MOXD1: variants seen among roughly 807,000 people sequenced by gnomAD.
MOXD1 encodes the protein DBH-like monooxygenase protein 1.
MOXD1 carries 62 observed loss-of-function variants against 66.6 expected under a neutral mutation model. The ratio of observed to expected loss-of-function variants is 0.93; its 90% CI spans 0.76 to 1.15. MOXD1 has a LOEUF of 1.15. Ranked by LOEUF, MOXD1 falls within the 50% of genes most tolerant of loss-of-function variation. The pLI is 0.00. For synonymous variants in MOXD1, 303 were observed against 281.9 expected (o/e 1.07, Z -0.75); for missense variants, 847 against 754.6 (o/e 1.12, Z -1.44).
chr6:132,395,589 A>G (rs756820032), intron 1 of MOXD1, among the ~76,000 whole-genome samples: 8 of 152,190 alleles, frequency 5.3e-5, no homozygotes, highest in Non-Finnish European at 1.2e-4. Context: ...AGACTGGCTG[A>G]ATGGGTTAAA....
chr6:132,384,235 TCC>T (rs1473220917), intron 1 of MOXD1, among the ~76,000 whole-genome samples: 6 of 99,282 alleles, frequency 6.0e-5, no homozygotes, highest in East Asian at 2.9e-4. Context: ...CCTTCCTCCC[TCC>T]CTCTCTTCCT....
intron 2 of MOXD1, 36 bp downstream of exon 2, chr6:132,374,595 T>C (rs1461892650): frequency 2.5e-6 from 4 of 1,597,260 alleles, no homozygotes; most frequent in Admixed American, 1.7e-5. Context: ...AAATATACAA[T>C]TTGTTCATGC....
At chr6:132,306,983 T>A (rs1472243132) in intron 10 of MOXD1, among the ~76,000 whole-genome samples, 1 of 152,164 alleles carries the variant, frequency 6.6e-6, no homozygotes, top group Non-Finnish European at 1.5e-5. Context: ...AATAGCAGCA[T>A]GATGACAGGA....
chr6:132,337,281 T>C (rs1199464674), intron 4 of MOXD1, among the ~76,000 whole-genome samples: 1 of 152,250 alleles, frequency 6.6e-6, no homozygotes, highest in Admixed American at 6.5e-5. Flanking sequence ...GTATAAATCA[T>C]CAATTCATTA....
At chr6:132,352,765 T>A (rs758771234) in intron 4 of MOXD1, among the ~76,000 whole-genome samples, 6 of 152,202 alleles carry the variant, frequency 3.9e-5, no homozygotes, top group Non-Finnish European at 8.8e-5. Flanking sequence ...TTGCTGTCTA[T>A]CTCAATTCTT....
intron 1 of MOXD1, among the ~76,000 whole-genome samples, chr6:132,376,236 T>C (rs769840859): frequency 6.6e-6 from 1 of 152,230 alleles, no homozygotes; most frequent in Non-Finnish European, 1.5e-5. Flanking sequence ...ACAGTAAAAT[T>C]GTATTTGAAG....
intron 5 of MOXD1, 65 bp from the exon 6 acceptor site, chr6:132,328,180 A>G: frequency 7.2e-7 from 1 of 1,388,446 alleles, no homozygotes; most frequent in Admixed American, 1.9e-5. Flanking sequence ...ATTCCACTCA[A>G]AAACCAGCCA....
intron 1 of MOXD1, 143 bp downstream of exon 1, chr6:132,401,020 G>A: frequency 5.4e-6 from 6 of 1,113,592 alleles, no homozygotes; most frequent in Non-Finnish European, 7.2e-6. Context: ...CCGCGGAGGC[G>A]AGAGTGAGCG....
rs755864551 is a variant in MOXD1 at position 132,373,002 on chromosome 6, G to A, written c.412-5C>T. Reference sequence around the variant, plus strand: ...GATCACTCTCACAGTGCTATCCTGGGGATCAGACATGGGCATGATTAGGTC... The same window carrying A: ...GATCACTCTCACAGTGCTATCCTGGAGATCAGACATGGGCATGATTAGGTC... On this transcript the variant is annotated splice_polypyrimidine_tract_variant and splice_region_variant and intron_variant, in intron 2 of 11. Transcript: ENST00000367963. The A allele has an allele frequency of 1.9e-6, 3 of 1,607,688 alleles. No homozygotes were observed. The highest frequency in any genetic ancestry group is 2.6e-6 in the Non-Finnish European group (3 of 1,176,058).
chr6:132,319,931 T>C (rs1178118905), intron 9 of MOXD1, among the ~76,000 whole-genome samples: 1 of 152,132 alleles, frequency 6.6e-6, no homozygotes, highest in Non-Finnish European at 1.5e-5. Context: ...AAATATATTT[T>C]CTAATTTAAA....
chr6:132,307,705 G>A (rs965516000), intron 10 of MOXD1, among the ~76,000 whole-genome samples: 4 of 152,146 alleles, frequency 2.6e-5, no homozygotes, highest in African/African-American at 9.7e-5. Flanking sequence ...TTAGAACTCA[G>A]GATTAACAAA....
chr6:132,364,559 A>C (rs1196922533), intron 4 of MOXD1, among the ~76,000 whole-genome samples: 2 of 152,196 alleles, frequency 1.3e-5, no homozygotes, highest in Non-Finnish European at 2.9e-5. Flanking sequence ...GTTTGAACAC[A>C]ACTGCTAACT....
chr6:132,334,129 C>G (rs1012232420), intron 4 of MOXD1, among the ~76,000 whole-genome samples: 1 of 152,114 alleles, frequency 6.6e-6, no homozygotes, highest in Admixed American at 6.5e-5. Flanking sequence ...CTCACATAGC[C>G]CCTGCAGCAC....
intron 2 of MOXD1, 126 bp downstream of exon 2, chr6:132,374,505 A>G: frequency 9.6e-7 from 1 of 1,041,508 alleles, no homozygotes; most frequent in Non-Finnish European, 1.3e-6. Context: ...AACTAAAAAA[A>G]ATCAAAAAAG....
chr6:132,343,853 A>G (rs2114612450), intron 4 of MOXD1, among the ~76,000 whole-genome samples: 1 of 152,342 alleles, frequency 6.6e-6, no homozygotes, highest in Admixed American at 6.5e-5. Flanking sequence ...GGATCTATAC[A>G]TACTGAAGGG....
chr6:132,362,446 C>T (rs1379691701), intron 4 of MOXD1, among the ~76,000 whole-genome samples: 1 of 152,052 alleles, frequency 6.6e-6, no homozygotes, highest in African/African-American at 2.4e-5. Flanking sequence ...TTTCAGCTGA[C>T]CAAAGGTTAA....
At chr6:132,299,639 TTG>T (rs1348250797) in intron 10 of MOXD1, among the ~76,000 whole-genome samples, 1 of 152,104 alleles carries the variant, frequency 6.6e-6, no homozygotes, top group Non-Finnish European at 1.5e-5. Flanking sequence ...TTTTCAGGTG[TTG>T]TCTTTCATTA....
chr6:132,395,064 CA>C (rs1441171856), intron 1 of MOXD1, among the ~76,000 whole-genome samples: 1 of 152,010 alleles, frequency 6.6e-6, no homozygotes, highest in Non-Finnish European at 1.5e-5. Flanking sequence ...AAGAGAAAAG[CA>C]TCAAGTCACT....
At chr6:132,372,538 T>G in intron 4 of MOXD1, 70 bp downstream of exon 4, 1 of 1,354,854 alleles carries the variant, frequency 7.4e-7, no homozygotes, top group East Asian at 2.3e-5. Flanking sequence ...TTTACTGTTT[T>G]CATTATATTA....
Sources: gnomAD v4.1 joint callset for allele counts (sites outside exome capture counted in the v4.1 genomes callset) on GRCh38, gnomAD v4.1.1 for gene constraint, MANE v1.5 for transcripts, NCBI Gene and HGNC (gene_info 2026-07-23, HGNC 2026-07-21) for gene names.